The following SPTBN4 variants were observed in gnomAD, a reference collection of about 807,000 sequenced individuals.
The protein encoded by SPTBN4 is spectrin beta chain, non-erythrocytic 4.
In SPTBN4, 96 loss-of-function variants were observed where a neutral mutation model predicts 277.8. The ratio of observed to expected loss-of-function variants is 0.35; its 90% CI spans 0.29 to 0.41. SPTBN4 has a LOEUF of 0.41. Among genes scored for constraint, SPTBN4 ranks in the 10% least tolerant of loss-of-function variants. The pLI is 1.00. For missense variants in SPTBN4, 3,006 were observed against 3,595.7 expected (o/e 0.84, Z 4.19); for synonymous variants, 1,481 against 1,580.3 (o/e 0.94, Z 1.49).
chr19:40,473,992 A>T (rs555297137), intron 2 of SPTBN4, among the ~76,000 whole-genome samples: 2 of 116,564 alleles, frequency 1.7e-5, no homozygotes, highest in Admixed American at 1.7e-4. Context: ...AAATAAAAAT[A>T]AAAAAAAAAA....
At chr19:40,530,645 G>A (rs1003014845) in intron 18 of SPTBN4, 38 of 923,398 alleles carry the variant, frequency 4.1e-5, no homozygotes, top group African/African-American at 3.6e-5. Context: ...ACGCAGACAG[G>A]GGAGGGGGCT....
intron 17 of SPTBN4, among the ~76,000 whole-genome samples, chr19:40,526,465 C>A (rs1568810498): frequency 6.6e-6 from 1 of 152,076 alleles, no homozygotes; most frequent in South Asian, 2.1e-4. Context: ...AGCCACCGCG[C>A]CGGCCGCTAG....
rs373770330 is a variant in SPTBN4 at position 40,534,027 on chromosome 19, C to G, written c.4096-53C>G. On this transcript the variant is annotated intron_variant, in intron 19 of 35. Coordinates refer to ENST00000598249, the MANE Select transcript of SPTBN4 (RefSeq NM_020971.3). ...CACTCTCCCACACTTCTCTGATTCT[C>G]CCCACCATCTATCTATCTTCTCCAT... 1.8e-4 allele frequency: 276 copies of G among 1,536,982 alleles called. 2 individuals carry two copies. The African/African-American group carries it at 3.4e-3, about 19-fold the overall frequency.
chr19:40,492,901 T>TG, intron 4 of SPTBN4, 62 bp from the exon 5 acceptor site: 1 of 1,437,116 alleles, frequency 7.0e-7, no homozygotes, highest in Non-Finnish European at 9.8e-7. Context: ...AGATGGTGAG[T>TG]GGGGGGCATT....
intron 7 of SPTBN4, among the ~76,000 whole-genome samples, chr19:40,498,372 ATTTTATTT>A (rs1290988413): frequency 2.4e-5 from 3 of 125,310 alleles, no homozygotes; most frequent in Admixed American, 7.8e-5. Context: ...GTTTTATTTT[ATTTTATTT>A]ATTTATTTAT....
intron 2 of SPTBN4, among the ~76,000 whole-genome samples, chr19:40,487,165 A>T (rs1269185425): frequency 6.6e-6 from 1 of 151,276 alleles, no homozygotes; most frequent in African/African-American, 2.4e-5. Flanking sequence ...TCTCCCGAGT[A>T]GCTGGGATTA....
At position 40,467,290 on chromosome 19, in the gene SPTBN4, G is replaced by A. The variant is rs2079835084; in HGVS notation, c.-31G>A. The A allele has an allele frequency of 6.6e-6, 1 of 152,404 alleles. No homozygotes were observed. Among genetic ancestry groups the A allele is most frequent in the Non-Finnish European group, 1.5e-5 (1 of 67,984 alleles). 9.4% of individuals were successfully genotyped at this position (152,404 alleles called of 1,614,324 possible). A position where few individuals can be genotyped will look rare whatever the true frequency, so the allele number is the denominator to read the frequency against. ...GCGAGCAGCGGAGACAGCGACGCTGGCGGCCGCGGGCCCAGGTGAGCTGCT... is the reference window on the plus strand; with the variant it reads ...GCGAGCAGCGGAGACAGCGACGCTGACGGCCGCGGGCCCAGGTGAGCTGCT... On this transcript the variant is annotated 5_prime_UTR_variant, in exon 1 of 36. Transcript: ENST00000598249.
At chr19:40,504,612 G>T (rs1568784921) in intron 12 of SPTBN4, among the ~76,000 whole-genome samples, 4 of 151,568 alleles carry the variant, frequency 2.6e-5, no homozygotes, top group Non-Finnish European at 4.4e-5. Flanking sequence ...GAGCTTGCAG[G>T]GAGCCGAGAT....
chr19:40,549,427 AGGGGCCTGGGGCGGGGCGGGGC>A lies in SPTBN4; in HGVS notation c.4584+20_4584+41del. ...GACGACGAGCTGGTGAGGCCAGCGC[AGGGGCCTGGGGCGGGGCGGGGC>A]GGGGCGGTGGGGCGGAGAAGGTGGG... On this transcript the variant is annotated intron_variant, in intron 21 of 35. Coordinates refer to ENST00000598249, the MANE Select transcript of SPTBN4 (RefSeq NM_020971.3). 8.1e-6 allele frequency: 1 copy of A among 123,518 alleles called. No individual in the cohort carries two copies. The highest frequency in any genetic ancestry group is 1.2e-5 in the Non-Finnish European group (1 of 86,642). 7.7% of individuals were successfully genotyped at this position (123,518 alleles called of 1,614,324 possible). A position where few individuals can be genotyped will look rare whatever the true frequency, so the allele number is the denominator to read the frequency against.
Position 40,554,430 on chromosome 19 carries a change from G to C in SPTBN4, c.4953+5G>C. On this transcript the variant is annotated splice_donor_5th_base_variant and intron_variant, in intron 23 of 35. Coordinates refer to ENST00000598249, the MANE Select transcript of SPTBN4 (RefSeq NM_020971.3). This position sits in a 1 kb window ranked among gnomAD's most constrained non-coding sequence, Gnocchi z 5.7. ...ATGAGTGAGGACAAGGGCAAGGTGC[G>C]CCCGAGCTGGGGGTGCGGAGGGCCT... is the stretch of plus-strand genomic sequence containing the variant. 1 of 1,550,928 alleles carries C rather than the reference G, an allele frequency of 6.4e-7. No individual in the cohort carries two copies. Among genetic ancestry groups the C allele is most frequent in the Non-Finnish European group, 8.7e-7 (1 of 1,145,494 alleles).
chr19:40,503,146 G>A lies in SPTBN4; in HGVS notation c.1362+213G>A, dbSNP rs150218674. 2.7e-3 allele frequency among the ~76,000 whole-genome samples: 411 copies of A among 152,240 alleles called. 2 individuals carry two copies. Among genetic ancestry groups the A allele is most frequent in the South Asian group, 4.4e-3 (21 of 4,822 alleles). On this transcript the variant is annotated intron_variant, in intron 11 of 35. Transcript: ENST00000598249. ...GATCTCCAGGGTAATGGGAGAGTGA[G>A]GCTGGTCTCCAGGGTAACTAGAGAG...
rs1568817358 is a variant in SPTBN4 at position 40,532,641 on chromosome 19, A to C, written c.3965A>C (p.His1322Pro). The C allele has an allele frequency of 9.9e-6, 16 of 1,613,282 alleles. No homozygotes were observed. The highest frequency in any genetic ancestry group is 1.4e-5 in the Non-Finnish European group (16 of 1,179,624). Residue 1322 changes from histidine to proline, a missense_variant, in exon 19 of 36, where the codon CAT becomes CCT. By Grantham distance (77) the His-to-Pro change is moderately conservative. Transcript: ENST00000598249. Reference protein sequence around the residue: ...RDCHELDGWIHEKMLMARDGT... With the variant: ...RDCHELDGWIPEKMLMARDGT... ...TCTGCACAGCTGGATGGCTGGATCCATGAGAAGATGCTGATGGCGCGGGAT... is the reference window on the plus strand; with the variant it reads ...TCTGCACAGCTGGATGGCTGGATCCCTGAGAAGATGCTGATGGCGCGGGAT...
chr19:40,513,246 C>T lies in SPTBN4; in HGVS notation c.2457C>T (p.Thr819=), dbSNP rs1198549395. Residue 819 remains threonine, a synonymous_variant, in exon 14 of 36, where the codon ACC becomes ACT. Coordinates refer to ENST00000598249, the MANE Select transcript of SPTBN4 (RefSeq NM_020971.3). ...RRLARQHRAL[T]GEVEAHRGPV... Reference sequence around the variant, plus strand: ...TGGCGCGCCAGCACCGCGCGCTCACCGGGGAGGTGGAGGCACATCGCGGGC... The same window carrying T: ...TGGCGCGCCAGCACCGCGCGCTCACTGGGGAGGTGGAGGCACATCGCGGGC... 4.6e-6 allele frequency: 7 copies of T among 1,520,592 alleles called. No homozygotes were observed. The highest frequency in any genetic ancestry group is 6.1e-6 in the Non-Finnish European group (7 of 1,140,742). The allele number at this position is 1,520,592 out of a possible 1,614,324, so 94.2% of individuals were successfully genotyped here. A position where few individuals can be genotyped will look rare whatever the true frequency, so the allele number is the denominator to read the frequency against.
chr19:40,497,002 G>T (rs1354045335), intron 6 of SPTBN4, among the ~76,000 whole-genome samples: 1 of 150,820 alleles, frequency 6.6e-6, no homozygotes, highest in East Asian at 1.9e-4. Flanking sequence ...GAACCTCGGA[G>T]GCGGAGGTTG....
chr19:40,556,755 G>A (rs764169259), intron 25 of SPTBN4, among the ~76,000 whole-genome samples: 13 of 151,962 alleles, frequency 8.6e-5, no homozygotes, highest in Middle Eastern at 3.4e-3. Flanking sequence ...GTGAAACCCC[G>A]TCTCTACTAA....
intron 6 of SPTBN4, among the ~76,000 whole-genome samples, chr19:40,496,949 T>C (rs571494200): frequency 5.9e-5 from 9 of 151,948 alleles, no homozygotes; most frequent in African/African-American, 1.9e-4. Context: ...GGTGCACACC[T>C]GCAATCCCAG....
chr19:40,570,795 G>C, intron 33 of SPTBN4, 67 bp downstream of exon 33: 1 of 1,548,722 alleles, frequency 6.5e-7, no homozygotes, highest in Non-Finnish European at 8.7e-7. Context: ...GTGGAGCGGT[G>C]GGACTGAGGA....
intron 2 of SPTBN4, among the ~76,000 whole-genome samples, chr19:40,475,212 G>A (rs1034057904): frequency 3.3e-5 from 5 of 152,100 alleles, no homozygotes; most frequent in African/African-American, 1.2e-4. Context: ...AAGACCCTGA[G>A]GAGCCTCAGA....
At chr19:40,547,580 T>C (rs2080872262) in intron 20 of SPTBN4, among the ~76,000 whole-genome samples, 1 of 152,194 alleles carries the variant, frequency 6.6e-6, no homozygotes, top group Non-Finnish European at 1.5e-5. Flanking sequence ...GTATTTCTAG[T>C]TCTAGATCCT....
Sources: gnomAD v4.1 joint callset for allele counts (sites outside exome capture counted in the v4.1 genomes callset) on GRCh38, gnomAD v4.1.1 for gene constraint, Gnocchi (gnomAD v3.1) non-coding constraint, MANE v1.5 for transcripts, NCBI Gene and HGNC (gene_info 2026-07-23, HGNC 2026-07-21) for gene names.